The following SLCO3A1 variants were observed in gnomAD, a reference collection of about 807,000 sequenced individuals.
The protein encoded by SLCO3A1 is PGE1 transporter.
Under a neutral mutation model 63.1 loss-of-function variants are expected in SLCO3A1, and 27 were observed. The observed-to-expected ratio is 0.43, with a 90% CI of 0.32 to 0.59. The LOEUF (loss-of-function observed/expected upper bound fraction) is 0.59, where lower values mean the gene tolerates loss of function less well. SLCO3A1 is among the 20% of genes least tolerant of loss of function. The probability of loss-of-function intolerance (pLI) is 0.09; values close to 1 mark genes in which losing one functional copy is unlikely to be tolerated. For missense variants in SLCO3A1, 773 were observed against 945.8 expected (o/e 0.82, Z 2.40); for synonymous variants, 473 against 409.9 (o/e 1.15, Z -1.86).
In SLCO3A1 at chr15:91,862,683, C is replaced by G. The variant is rs146840471; in HGVS notation, c.180+8595C>G. On this transcript the variant is annotated intron_variant, in intron 1 of 9. Coordinates refer to ENST00000318445, the MANE Select transcript of SLCO3A1 (RefSeq NM_013272.4). The surrounding 1 kb of genome is among the most constrained non-coding windows in gnomAD (Gnocchi z 4.0). Reference sequence around the variant, plus strand: ...AAGAAATGAGCAGGGGCTGATGAGGCTTTTAACAAATAGTTCCGGAGAAAA... The same window carrying G: ...AAGAAATGAGCAGGGGCTGATGAGGGTTTTAACAAATAGTTCCGGAGAAAA... Among the ~76,000 whole-genome samples the G allele has an allele frequency of 1.3e-5, 2 of 152,298 alleles. No individual in the cohort carries two copies. Among genetic ancestry groups the G allele is most frequent in the Non-Finnish European group, 2.9e-5 (2 of 68,018 alleles).
intron 2 of SLCO3A1, among the ~76,000 whole-genome samples, chr15:91,933,722 CTAT>C (rs1899312576): frequency 1.3e-5 from 2 of 152,158 alleles, no homozygotes; most frequent in African/African-American, 4.8e-5. Context: ...GGGGTATGTA[CTAT>C]TATTATCCTC....
intron 2 of SLCO3A1, among the ~76,000 whole-genome samples, chr15:91,966,261 G>A (rs1311706173): frequency 6.6e-6 from 1 of 152,152 alleles, no homozygotes; most frequent in East Asian, 1.9e-4. Context: ...GACAGATTTG[G>A]GACGCAGAGA....
At chr15:92,048,332 C>G (rs2046915391) in intron 2 of SLCO3A1, among the ~76,000 whole-genome samples, 1 of 152,128 alleles carries the variant, frequency 6.6e-6, no homozygotes, top group Non-Finnish European at 1.5e-5. Context: ...TCTCTCTCCT[C>G]TCCTGGGGAA....
intron 2 of SLCO3A1, among the ~76,000 whole-genome samples, chr15:91,923,113 A>G (rs1271800407): frequency 6.6e-6 from 1 of 152,170 alleles, no homozygotes; most frequent in Non-Finnish European, 1.5e-5. Context: ...TGAGTTTCCA[A>G]TTGCCCTGAG....
At chr15:91,976,916 G>T (rs987090995) in intron 2 of SLCO3A1, among the ~76,000 whole-genome samples, 1 of 152,116 alleles carries the variant, frequency 6.6e-6, no homozygotes, top group African/African-American at 2.4e-5. Flanking sequence ...GGACCGGGGC[G>T]AAATTAAAAT....
rs1567161753 is a variant in SLCO3A1, at chr15:91,863,766, T to C, written c.180+9678T>C. Among the ~76,000 whole-genome samples, 1 of 152,112 alleles carries C rather than the reference T, an allele frequency of 6.6e-6. No individual in the cohort carries two copies. The highest frequency in any genetic ancestry group is 2.4e-5 in the African/African-American group (1 of 41,414). ...GCTTCAGAGAAGCCTCTCCTGTCCT[T>C]ATGCAAAAAACTGAGGGCAAGACTC... is the stretch of plus-strand genomic sequence containing the variant. On this transcript the variant is annotated intron_variant, in intron 1 of 9. Coordinates refer to ENST00000318445, the MANE Select transcript of SLCO3A1 (RefSeq NM_013272.4). This position sits in a 1 kb window ranked among gnomAD's most constrained non-coding sequence, Gnocchi z 4.3.
chr15:92,126,995 G>A (rs536730413), intron 6 of SLCO3A1, among the ~76,000 whole-genome samples: 15 of 152,194 alleles, frequency 9.9e-5, no homozygotes, highest in Non-Finnish European at 1.8e-4. Flanking sequence ...AGCAGACCAC[G>A]AGGCCTGCTC....
rs186997441 is a variant in SLCO3A1 at position 92,082,896 on chromosome 15, G to A, written c.647-11985G>A. Among the ~76,000 whole-genome samples, 80 of 152,308 alleles carry A rather than the reference G, an allele frequency of 5.3e-4. No homozygotes were observed. The East Asian group carries it at 0.012, about 23-fold the overall frequency. On this transcript the variant is annotated intron_variant, in intron 2 of 9. Coordinates refer to ENST00000318445, the MANE Select transcript of SLCO3A1 (RefSeq NM_013272.4). ...AATCCACTTCCACCATGTACAAGCT[G>A]TGTGACCTTGGTGCAGCTGACTGAT...
Position 91,967,856 on chromosome 15 carries a change from C to T in SLCO3A1, c.646+51398C>T, listed in dbSNP as rs370125767. Among the ~76,000 whole-genome samples the T allele has an allele frequency of 1.1e-4, 16 of 152,290 alleles. No individual in the cohort carries two copies. In the East Asian group the frequency reaches 1.9e-3, roughly 18 times the overall value. ...CAAATCCCGCTGGCATAGGCTCTTT[C>T]CTTGTCTGCTTTGTCTGCAGGATTC... On this transcript the variant is annotated intron_variant, in intron 2 of 9. Transcript: ENST00000318445. This position sits in a 1 kb window ranked among gnomAD's most constrained non-coding sequence, Gnocchi z 4.4.
At chr15:91,866,054 A>G (rs1239973586) in intron 1 of SLCO3A1, among the ~76,000 whole-genome samples, 1 of 152,198 alleles carries the variant, frequency 6.6e-6, no homozygotes, top group Non-Finnish European at 1.5e-5. Flanking sequence ...CCTTTCTGTA[A>G]GAAGGTAACC....
intron 2 of SLCO3A1, among the ~76,000 whole-genome samples, chr15:92,011,784 C>G (rs1055580899): frequency 1.3e-5 from 2 of 152,358 alleles, no homozygotes; most frequent in South Asian, 4.1e-4. Context: ...CAGTCACAGC[C>G]CAGGACCTGA....
chr15:92,027,418 G>A (rs1035452043), intron 2 of SLCO3A1, among the ~76,000 whole-genome samples: 7 of 152,310 alleles, frequency 4.6e-5, no homozygotes, highest in Non-Finnish European at 7.4e-5. Context: ...CGAAGGTACC[G>A]TCATCGTTTT....
intron 1 of SLCO3A1, among the ~76,000 whole-genome samples, chr15:91,906,401 G>C (rs1437061586): frequency 6.6e-6 from 1 of 152,204 alleles, no homozygotes; most frequent in Non-Finnish European, 1.5e-5. Flanking sequence ...AGCTGGTTGA[G>C]GGCAGAGACC....
intron 2 of SLCO3A1, among the ~76,000 whole-genome samples, chr15:92,023,703 A>G (rs1188094145): frequency 6.6e-6 from 1 of 152,228 alleles, no homozygotes; most frequent in South Asian, 2.1e-4. Flanking sequence ...TCCTGGCCTC[A>G]AGTGATCCAG....
chr15:92,093,781 A>G (rs1021423086), intron 2 of SLCO3A1, among the ~76,000 whole-genome samples: 3 of 152,142 alleles, frequency 2.0e-5, no homozygotes, highest in African/African-American at 7.2e-5. Flanking sequence ...CAATGACATC[A>G]CCGAGAGAAT....
chr15:92,015,874 G>T (rs1364896340), intron 2 of SLCO3A1, among the ~76,000 whole-genome samples: 1 of 152,160 alleles, frequency 6.6e-6, no homozygotes, highest in Non-Finnish European at 1.5e-5. Flanking sequence ...ACTGGTGAAG[G>T]CAGGAGCTGA....
intron 2 of SLCO3A1, among the ~76,000 whole-genome samples, chr15:92,055,515 C>A (rs913762085): frequency 6.6e-6 from 1 of 152,030 alleles, no homozygotes; most frequent in African/African-American, 2.4e-5. Flanking sequence ...TTTTTTTCCT[C>A]TTAATGCAGA....
chr15:92,094,701 A>G (rs887607605), intron 2 of SLCO3A1, among the ~76,000 whole-genome samples, 180 bp from the exon 3 acceptor site: 1 of 152,246 alleles, frequency 6.6e-6, no homozygotes, highest in African/African-American at 2.4e-5. Context: ...AGCATAATAT[A>G]CAGTGCTTTC....
In SLCO3A1 at chr15:92,163,907, AG is replaced by A. The variant is rs912423931; in HGVS notation, c.*773del. 4 of 985,308 alleles carry A rather than the reference AG, an allele frequency of 4.1e-6. No individual in the cohort carries two copies. The African/African-American group carries it at 7.0e-5, about 17-fold the overall frequency. 61.0% of individuals were successfully genotyped at this position (985,308 alleles called of 1,614,324 possible). On this transcript the variant is annotated 3_prime_UTR_variant, in exon 10 of 10. Coordinates refer to ENST00000318445, the MANE Select transcript of SLCO3A1 (RefSeq NM_013272.4). The stretch of plus-strand genomic sequence containing the variant: ...CAGTGGCGGGCATCCACCTTCCCCC[AG>A]CCCCACAGAGTGACCTCAGGAAGCA...
Sources: allele counts gnomAD v4.1 joint callset (sites outside exome capture counted in the v4.1 genomes callset), GRCh38; gene constraint gnomAD v4.1.1; non-coding constraint Gnocchi (gnomAD v3.1); transcripts MANE v1.5; gene names NCBI Gene and HGNC (gene_info 2026-07-23, HGNC 2026-07-21).